Variants in GRID2 observed in about 807,000 individuals in gnomAD.
The protein encoded by GRID2 is glutamate ionotropic receptor delta type subunit 2, also known as glutamate receptor ionotropic, delta-2.
A neutral mutation model predicts 114.8 loss-of-function variants in GRID2; 33 were observed. The ratio of observed to expected loss-of-function variants is 0.29; its 90% CI spans 0.22 to 0.38. GRID2 has a LOEUF of 0.38. Among genes scored for constraint, GRID2 ranks in the 10% least tolerant of loss-of-function variants. GRID2 has a pLI of 1.00. For synonymous variants in GRID2, 505 were observed against 449.9 expected (o/e 1.12, Z -1.55); for missense variants, 1,184 against 1,257.7 (o/e 0.94, Z 0.89).
chr4:93,522,284 T>C (rs979605478), intron 13 of GRID2, among the ~76,000 whole-genome samples: 1 of 152,068 alleles, frequency 6.6e-6, no homozygotes, highest in Non-Finnish European at 1.5e-5. Flanking sequence ...TTCTGGAGAT[T>C]TGAAGAAAGA....
chr4:93,368,406 G>GT (rs10633842), intron 8 of GRID2, among the ~76,000 whole-genome samples: 77,934 of 151,252 alleles, frequency 0.52, 20,125 homozygotes, highest in East Asian at 0.7. Context: ...AATAACTAAA[G>GT]TTTTTTTTTA....
chr4:93,296,968 AC>A (rs1447364444), intron 8 of GRID2, among the ~76,000 whole-genome samples: 14 of 152,188 alleles, frequency 9.2e-5, no homozygotes, highest in African/African-American at 3.4e-4. Context: ...CTTTACTATT[AC>A]ATTCTTTAAA....
At chr4:93,449,553 C>T (rs1722484020) in intron 10 of GRID2, among the ~76,000 whole-genome samples, 1 of 151,996 alleles carries the variant, frequency 6.6e-6, no homozygotes. Flanking sequence ...TATTCAGGAT[C>T]AAATGAATAT....
At chr4:92,800,684 G>T (rs1184318591) in intron 2 of GRID2, among the ~76,000 whole-genome samples, 2 of 151,912 alleles carry the variant, frequency 1.3e-5, no homozygotes, top group Non-Finnish European at 2.9e-5. Context: ...TTCAACTTCA[G>T]TATGGTACAG....
rs112166886 is a variant in GRID2 at position 92,808,183 on chromosome 4, C to G, written c.244+217897C>G. ...GGGTATCACTAGAGACTGGAAGAAA[C>G]CCTCCTTGAAGCCTCCAGAAGGAAC... On this transcript the variant is annotated intron_variant, in intron 2 of 15. Transcript: ENST00000282020. Among the ~76,000 whole-genome samples the G allele has an allele frequency of 7.2e-5, 11 of 152,038 alleles. 1 individual carries two copies. Among genetic ancestry groups the G allele is most frequent in the African/African-American group, 2.6e-4 (11 of 41,528 alleles).
At chr4:92,661,399 A>T (rs1312518665) in intron 2 of GRID2, among the ~76,000 whole-genome samples, 1 of 150,998 alleles carries the variant, frequency 6.6e-6, no homozygotes, top group Non-Finnish European at 1.5e-5. Flanking sequence ...TTTGTGGCCA[A>T]TACATTAAAA....
chr4:93,685,280 C>G (rs761700716), intron 14 of GRID2, among the ~76,000 whole-genome samples: 1 of 152,026 alleles, frequency 6.6e-6, no homozygotes, highest in South Asian at 2.1e-4. Flanking sequence ...GATTTTTACT[C>G]CCTTGCTTTC....
At chr4:93,149,595 G>A (rs1446468434) in intron 4 of GRID2, among the ~76,000 whole-genome samples, 3 of 150,214 alleles carry the variant, frequency 2.0e-5, no homozygotes, top group Non-Finnish European at 3.0e-5. Context: ...ACAAAAACAA[G>A]TAACAACCTG....
chr4:93,783,157 G>A (rs767599770), intron 1 of GRID2, among the ~76,000 whole-genome samples: 1 of 152,202 alleles, frequency 6.6e-6, no homozygotes, highest in South Asian at 2.1e-4. Context: ...GTTTGTCCTC[G>A]TGGGAGGGAA....
chr4:93,289,984 TCAGA>T (rs1479123370), intron 8 of GRID2, among the ~76,000 whole-genome samples: 1 of 152,174 alleles, frequency 6.6e-6, no homozygotes, highest in African/African-American at 2.4e-5. Flanking sequence ...AAGATAGAGT[TCAGA>T]CAGTTACATG....
At chr4:93,769,512 G>A (rs1733947522) in intron 15 of GRID2, 62 bp downstream of exon 15, 1 of 1,547,662 alleles carries the variant, frequency 6.5e-7, no homozygotes, top group African/African-American at 1.4e-5. Flanking sequence ...TTCCAGGGAG[G>A]ACCATCCCAG....
At chr4:93,161,184 A>G (rs918397253) in intron 4 of GRID2, among the ~76,000 whole-genome samples, 2 of 151,920 alleles carry the variant, frequency 1.3e-5, no homozygotes, top group African/African-American at 2.4e-5. Context: ...GGAACAGTAC[A>G]TATATTTGCA....
chr4:93,163,095 C>T (rs1579159448), intron 4 of GRID2, among the ~76,000 whole-genome samples: 2 of 151,716 alleles, frequency 1.3e-5, no homozygotes, highest in African/African-American at 4.8e-5. Flanking sequence ...AAATAACATA[C>T]ACATTCCTTT....
intron 10 of GRID2, among the ~76,000 whole-genome samples, chr4:93,423,695 C>G (rs1481831415): frequency 6.6e-6 from 1 of 152,004 alleles, no homozygotes; most frequent in African/African-American, 2.4e-5. Context: ...TTTCTTTGTT[C>G]TTTCAATTCT....
chr4:92,930,238 T>G (rs1397546957), intron 2 of GRID2, among the ~76,000 whole-genome samples: 2 of 151,370 alleles, frequency 1.3e-5, no homozygotes. Flanking sequence ...TTATGCTTTT[T>G]ATCATAGCTT....
chr4:93,722,270 T>C (rs767947184), intron 14 of GRID2, among the ~76,000 whole-genome samples: 2 of 152,164 alleles, frequency 1.3e-5, no homozygotes, highest in Non-Finnish European at 2.9e-5. Context: ...ATATACTTTA[T>C]ACCTTATCAC....
At chr4:93,671,271 G>T (rs1326789509) in intron 14 of GRID2, among the ~76,000 whole-genome samples, 1 of 152,148 alleles carries the variant, frequency 6.6e-6, no homozygotes, top group Non-Finnish European at 1.5e-5. Context: ...CTAGGCCCTT[G>T]GTGTAAATGG....
chr4:93,772,475 C>T lies in GRID2; in HGVS notation c.3001C>T (p.Pro1001Ser), dbSNP rs1259637983. Residue 1001 changes from proline to serine, a missense_variant, in exon 16 of 16, where the codon CCA becomes TCA. Pro to Ser is a moderately conservative substitution (Grantham distance 74). Coordinates refer to ENST00000282020, the MANE Select transcript of GRID2 (RefSeq NM_001510.4). ...PTLGLNLGND[P>S]DRGTSI ...CCTGGGGCTCAATCTGGGTAATGATCCAGACCGAGGCACCTCCATATGAGC... is the reference window on the plus strand; with the variant it reads ...CCTGGGGCTCAATCTGGGTAATGATTCAGACCGAGGCACCTCCATATGAGC... The T allele has an allele frequency of 1.9e-6, 3 of 1,600,744 alleles. No homozygotes were observed. The highest frequency in any genetic ancestry group is 2.7e-5 in the African/African-American group (2 of 74,414).
intron 14 of GRID2, among the ~76,000 whole-genome samples, chr4:93,728,296 T>G (rs900636933): frequency 2.7e-4 from 41 of 152,196 alleles, no homozygotes; most frequent in African/African-American, 9.4e-4. Context: ...TTGAGCAATT[T>G]TGAGTGAGTT....
Sources: allele counts gnomAD v4.1 joint callset (sites outside exome capture counted in the v4.1 genomes callset), GRCh38; gene constraint gnomAD v4.1.1; transcripts MANE v1.5; gene names NCBI Gene and HGNC (gene_info 2026-07-23, HGNC 2026-07-21).